The following MCC variants were observed in gnomAD, a reference collection of about 807,000 sequenced individuals.
MCC encodes MCC regulator of Wnt signaling pathway, also known as colorectal mutant cancer protein.
A neutral mutation model predicts 116.2 loss-of-function variants in MCC; 90 were observed. The observed-to-expected ratio is 0.77, with a 90% CI of 0.65 to 0.92. MCC has a LOEUF of 0.92. MCC is among the 40% of genes least tolerant of loss of function. MCC has a pLI of 0.00. For missense variants in MCC, 1,516 were observed against 1,312.2 expected (o/e 1.16, Z -2.40); for synonymous variants, 578 against 510.5 (o/e 1.13, Z -1.78).
intron 6 of MCC, among the ~76,000 whole-genome samples, chr5:113,109,450 C>T (rs955593482): frequency 6.6e-5 from 10 of 151,980 alleles, no homozygotes; most frequent in African/African-American, 1.5e-4. Flanking sequence ...ATCTAGAAGA[C>T]GCAAATGCAG....
At chr5:113,239,018 T>C (rs982660285) in intron 3 of MCC, among the ~76,000 whole-genome samples, 1 of 152,242 alleles carries the variant, frequency 6.6e-6, no homozygotes, top group Non-Finnish European at 1.5e-5. Context: ...TTCATGCATA[T>C]GTTTTTTTTC....
intron 3 of MCC, chr5:113,294,644 G>A: frequency 9.0e-7 from 1 of 1,110,702 alleles, no homozygotes; most frequent in African/African-American, 1.6e-5. Context: ...GGCAGCGGCG[G>A]AGCCCGCGCG....
chr5:113,246,384 A>G (rs1764576631), intron 3 of MCC, among the ~76,000 whole-genome samples: 1 of 152,226 alleles, frequency 6.6e-6, no homozygotes, highest in South Asian at 2.1e-4. Flanking sequence ...GGAAGAGGGA[A>G]GTAAAGGGGA....
chr5:113,378,194 C>T (rs1368205180), intron 2 of MCC, among the ~76,000 whole-genome samples: 1 of 152,240 alleles, frequency 6.6e-6, no homozygotes, highest in African/African-American at 2.4e-5. Flanking sequence ...TCTCCTCATA[C>T]TTCCTCCCTT....
chr5:113,481,535 G>C (rs370512074), intron 1 of MCC, among the ~76,000 whole-genome samples: 2 of 151,896 alleles, frequency 1.3e-5, no homozygotes, highest in Admixed American at 1.3e-4. Flanking sequence ...TCAGGAGTTC[G>C]AGACCAGCCT....
At chr5:113,165,784 T>C (rs1054376229) in intron 3 of MCC, among the ~76,000 whole-genome samples, 7 of 152,200 alleles carry the variant, frequency 4.6e-5, no homozygotes, top group Admixed American at 4.6e-4. Context: ...GTTCCAGACC[T>C]AATGGTAATA....
chr5:113,246,437 G>A (rs1420203763), intron 3 of MCC, among the ~76,000 whole-genome samples: 1 of 152,240 alleles, frequency 6.6e-6, no homozygotes, highest in African/African-American at 2.4e-5. Flanking sequence ...GTTACATTGT[G>A]AAACTTAAGG....
intron 3 of MCC, among the ~76,000 whole-genome samples, chr5:113,195,485 T>C (rs1345588076): frequency 6.6e-6 from 1 of 152,130 alleles, no homozygotes; most frequent in East Asian, 1.9e-4. Context: ...TTTCTCAGTG[T>C]CGCCACTCCC....
chr5:113,079,252 A>G (rs1371893780), intron 11 of MCC, among the ~76,000 whole-genome samples: 1 of 152,246 alleles, frequency 6.6e-6, no homozygotes, highest in Admixed American at 6.5e-5. Context: ...TATAGATTCA[A>G]TGCCATCCCC....
intron 1 of MCC, chr5:113,448,175 G>A (rs1168556115): frequency 1.3e-5 from 2 of 152,186 alleles, no homozygotes; most frequent in Non-Finnish European, 2.9e-5. Flanking sequence ...TTTTAAGTAT[G>A]ACAAGATTCA....
At chr5:113,220,611 C>A (rs911285831) in intron 3 of MCC, among the ~76,000 whole-genome samples, 3 of 152,084 alleles carry the variant, frequency 2.0e-5, no homozygotes, top group Admixed American at 1.3e-4. Context: ...ATTTCAATTT[C>A]TGATTGTTCA....
intron 1 of MCC, chr5:113,433,952 G>A (rs550503876): frequency 1.9e-6 from 3 of 1,613,996 alleles, no homozygotes; most frequent in South Asian, 1.1e-5. Context: ...GGGTCCACAA[G>A]GGTTCAGTTC....
chr5:113,270,031 G>A (rs1423422335), intron 3 of MCC, among the ~76,000 whole-genome samples: 1 of 152,186 alleles, frequency 6.6e-6, no homozygotes, highest in African/African-American at 2.4e-5. Flanking sequence ...AGGGAAAGAG[G>A]TGGGAAGAGC....
intron 11 of MCC, among the ~76,000 whole-genome samples, chr5:113,073,617 G>C (rs1326260479): frequency 6.7e-6 from 1 of 150,122 alleles, no homozygotes; most frequent in Non-Finnish European, 1.5e-5. Flanking sequence ...CCTCATGGTT[G>C]TTAAGTGGCC....
intron 3 of MCC, among the ~76,000 whole-genome samples, chr5:113,331,793 CA>C (rs35279934): frequency 0.54 from 81,711 of 150,824 alleles, 24,062 homozygotes; most frequent in African/African-American, 0.74. Flanking sequence ...CCCGCCACCA[CA>C]ACCCGGCTAA....
At chr5:113,111,142 C>T (rs982243366) in intron 6 of MCC, among the ~76,000 whole-genome samples, 1 of 152,188 alleles carries the variant, frequency 6.6e-6, no homozygotes, top group Non-Finnish European at 1.5e-5. Flanking sequence ...TTTTATGTTG[C>T]TGTTTGGGGA....
intron 6 of MCC, among the ~76,000 whole-genome samples, chr5:113,108,568 G>A (rs557586920): frequency 6.6e-6 from 1 of 150,760 alleles, no homozygotes; most frequent in East Asian, 2.0e-4. Context: ...CAGGAGAATC[G>A]CTTGAATCCG....
intron 1 of MCC, among the ~76,000 whole-genome samples, chr5:113,461,699 A>G (rs1771747435): frequency 1.3e-5 from 2 of 151,864 alleles, no homozygotes; most frequent in African/African-American, 4.8e-5. Flanking sequence ...TTTTTTAAAA[A>G]AGAAATAATT....
At chr5:113,481,196 A>C (rs1268656265) in intron 1 of MCC, among the ~76,000 whole-genome samples, 1 of 152,188 alleles carries the variant, frequency 6.6e-6, no homozygotes, top group Non-Finnish European at 1.5e-5. Flanking sequence ...ATATATGTAC[A>C]AGAGTGCAAT....
Sources: gnomAD v4.1 joint callset for allele counts (sites outside exome capture counted in the v4.1 genomes callset) on GRCh38, gnomAD v4.1.1 for gene constraint, MANE v1.5 for transcripts, NCBI Gene and HGNC (gene_info 2026-07-23, HGNC 2026-07-21) for gene names.